The following PLAGL1 variants were observed in gnomAD, a reference collection of about 807,000 sequenced individuals.
PLAGL1 encodes PLAG1 like zinc finger 1.
A neutral mutation model predicts 4.6 loss-of-function variants in PLAGL1; 1 was observed. That is an observed-to-expected ratio of 0.22 (90% CI 0.08 to 1.03). PLAGL1 has a LOEUF of 1.03. Among genes scored for constraint, PLAGL1 ranks in the 50% least tolerant of loss-of-function variants. The pLI, the probability that PLAGL1 is intolerant of heterozygous loss-of-function variation, is 0.58. For missense variants in PLAGL1, 464 were observed against 570.4 expected, an observed-to-expected ratio of 0.81 and a Z score of 1.90; for synonymous variants, 240 against 237.8, an observed-to-expected ratio of 1.01 and a Z score of -0.08.
Position 144,016,896 on chromosome 6 carries a change from T to C in PLAGL1, c.-151+47572A>G. On this transcript the variant is annotated intron_variant, in intron 1 of 3. Transcript: ENST00000437412. This position sits in a 1 kb window ranked among gnomAD's most constrained non-coding sequence, Gnocchi z 4.2. Reference sequence around the variant, plus strand: ...CTGCTGTTTTTTTTGTTGTGAGCTTTTTCATTAGCACTCTCTTGTGCATTA... The same window carrying C: ...CTGCTGTTTTTTTTGTTGTGAGCTTCTTCATTAGCACTCTCTTGTGCATTA... Among the ~76,000 whole-genome samples, 1 of 152,192 alleles carries C rather than the reference T, an allele frequency of 6.6e-6. No individual in the cohort carries two copies. The highest frequency in any genetic ancestry group is 6.5e-5 in the Admixed American group (1 of 15,278).
At chr6:143,987,437 CTTTTTT>C (rs71024883) in intron 1 of PLAGL1, among the ~76,000 whole-genome samples, 85 of 73,958 alleles carry the variant, frequency 1.1e-3, no homozygotes, top group African/African-American at 4.3e-3. Flanking sequence ...ACCACACTGG[CTTTTTT>C]TTTTTTTTTT....
At position 144,056,839 on chromosome 6, in the gene PLAGL1, T is replaced by C. The variant is rs573382623; in HGVS notation, c.-151+7629A>G. 6.6e-6 allele frequency among the ~76,000 whole-genome samples: 1 copy of C among 152,094 alleles called. No homozygotes were observed. The highest frequency in any genetic ancestry group is 1.9e-4 in the East Asian group (1 of 5,204). ...GCCACCATGCTAAGCTAATTTTTTT[T>C]AATTTTATTTATGCTGCCCAGGTGT... On this transcript the variant is annotated intron_variant, in intron 1 of 3. Coordinates refer to the PLAGL1 transcript ENST00000437412. This position sits in a 1 kb window ranked among gnomAD's most constrained non-coding sequence, Gnocchi z 4.7.
At position 143,976,869 on chromosome 6, in the gene PLAGL1, C is replaced by A. The variant is rs1272675420; in HGVS notation, c.-543-7891G>T. Among the ~76,000 whole-genome samples the A allele has an allele frequency of 3.3e-5, 5 of 152,198 alleles. No homozygotes were observed. The East Asian group carries it at 9.6e-4, about 29-fold the overall frequency. ...GATGAGTTATTAATTTGAGACCATT[C>A]TTCTCTTCTAACATAGACATGTAGT... On this transcript the variant is annotated intron_variant, in intron 2 of 7. Coordinates refer to ENST00000674357, the MANE Select transcript of PLAGL1 (RefSeq NM_001317162.2).
rs147831946 is a variant in PLAGL1 at position 144,034,457 on chromosome 6, A to G, written c.-151+30011T>C. Among the ~76,000 whole-genome samples, 7 of 152,310 alleles carry G rather than the reference A, an allele frequency of 4.6e-5. No individual in the cohort carries two copies. The highest frequency in any genetic ancestry group is 2.9e-5 in the Non-Finnish European group (2 of 68,020). On this transcript the variant is annotated intron_variant, in intron 1 of 3. Coordinates refer to the PLAGL1 transcript ENST00000437412. This position sits in a 1 kb window ranked among gnomAD's most constrained non-coding sequence, Gnocchi z 4.7. ...AACTAAGTAAGCCTCAAGTCCTTTTAGTGTTTGTTTCTCTTCAAGAAAATA... is the reference window on the plus strand; with the variant it reads ...AACTAAGTAAGCCTCAAGTCCTTTTGGTGTTTGTTTCTCTTCAAGAAAATA...
Position 143,940,439 on chromosome 6 carries a change from T to G in PLAGL1, c.*985A>C, listed in dbSNP as rs1341487825. The G allele has an allele frequency of 6.6e-6, 1 of 152,200 alleles. No individual in the cohort carries two copies. Among genetic ancestry groups the G allele is most frequent in the Non-Finnish European group, 1.5e-5 (1 of 68,030 alleles). 9.4% of individuals were successfully genotyped at this position (152,200 alleles called of 1,614,324 possible). A position where few individuals can be genotyped will look rare whatever the true frequency, so the allele number is the denominator to read the frequency against. On this transcript the variant is annotated 3_prime_UTR_variant, in exon 8 of 8. Coordinates refer to ENST00000674357, the MANE Select transcript of PLAGL1 (RefSeq NM_001317162.2). ...TAATAAGATACCAAATTCAAGAGATTATAGTTACATTGTAAAACGTAATCT... is the reference window on the plus strand; with the variant it reads ...TAATAAGATACCAAATTCAAGAGATGATAGTTACATTGTAAAACGTAATCT...
At position 143,958,866 on chromosome 6, in the gene PLAGL1, A is replaced by G. The variant is rs1404627073; in HGVS notation, c.-325+1603T>C. The stretch of plus-strand genomic sequence containing the variant: ...AGGAAATGGGGGAGAAAGCTTAAAA[A>G]GAGTGGAACACTAGCAAGCAGGGCC... On this transcript the variant is annotated intron_variant, in intron 6 of 7. Transcript: ENST00000674357. The surrounding 1 kb of genome is among the most constrained non-coding windows in gnomAD (Gnocchi z 5.1). 2.0e-5 allele frequency among the ~76,000 whole-genome samples: 3 copies of G among 152,250 alleles called. No individual in the cohort carries two copies. The highest frequency in any genetic ancestry group is 4.4e-5 in the Non-Finnish European group (3 of 68,042).
In PLAGL1 at chr6:143,950,070, C is replaced by T. The variant is rs1039045286; in HGVS notation, c.-324-1610G>A. Among the ~76,000 whole-genome samples, 1 of 152,120 alleles carries T rather than the reference C, an allele frequency of 6.6e-6. No individual in the cohort carries two copies. The highest frequency in any genetic ancestry group is 2.4e-5 in the African/African-American group (1 of 41,432). ...ATGTTTTCAGTGTCTGGACAGAGTT[C>T]GCGGTACCAAGCAAATACCCCTCAC... On this transcript the variant is annotated intron_variant, in intron 6 of 7. Transcript: ENST00000674357. The surrounding 1 kb of genome is among the most constrained non-coding windows in gnomAD (Gnocchi z 6.3).
rs994341223 is a variant in PLAGL1 at position 144,000,732 on chromosome 6, G to A, written c.-584+7358C>T. 1.3e-5 allele frequency among the ~76,000 whole-genome samples: 2 copies of A among 152,098 alleles called. No individual in the cohort carries two copies. Among genetic ancestry groups the A allele is most frequent in the African/African-American group, 4.8e-5 (2 of 41,446 alleles). ...AAACAAAAGAAGGCTTCTGCTCTAT[G>A]ACATATCAAAATCATTAGAGTTATC... On this transcript the variant is annotated intron_variant, in intron 1 of 7. Transcript: ENST00000674357. The surrounding 1 kb of genome is among the most constrained non-coding windows in gnomAD (Gnocchi z 4.1).
In PLAGL1 at chr6:143,958,919, T is replaced by G. The variant is rs1289107156; in HGVS notation, c.-325+1550A>C. On this transcript the variant is annotated intron_variant, in intron 6 of 7. Transcript: ENST00000674357. The surrounding 1 kb of genome is among the most constrained non-coding windows in gnomAD (Gnocchi z 5.1). ...TTCTCCTTTTCACCTTAAGTCTTTTTTCTCTCCCATTCACAGCTTTAGGTC... is the reference window on the plus strand; with the variant it reads ...TTCTCCTTTTCACCTTAAGTCTTTTGTCTCTCCCATTCACAGCTTTAGGTC... 1.3e-5 allele frequency among the ~76,000 whole-genome samples: 2 copies of G among 152,198 alleles called. No homozygotes were observed. The highest frequency in any genetic ancestry group is 2.9e-5 in the Non-Finnish European group (2 of 68,028).
intron 1 of PLAGL1, among the ~76,000 whole-genome samples, chr6:143,996,153 G>T (rs559117854): frequency 6.6e-6 from 1 of 152,284 alleles, no homozygotes; most frequent in African/African-American, 2.4e-5. Flanking sequence ...GAAACATGGG[G>T]TGATTTGAGA....
rs777804198 is a variant in PLAGL1 at position 143,942,384 on chromosome 6, T to C, written c.432A>G (p.Glu144=). ...CCTTGGTTCCGCTAGGGGGCTTCTC[T>C]TCCGCATGGGCTTTGAGGTGGTCCA... The part of the protein sequence containing the change: ...VLLDHLKAHA[E]EKPPSGTKEK... Residue 144 remains glutamate (E), a synonymous_variant, in exon 8 of 8, where the codon GAA becomes GAG. Transcript: ENST00000674357. This position sits in a 1 kb window ranked among gnomAD's most constrained non-coding sequence, Gnocchi z 7.6. 19 of 1,614,050 alleles carry C rather than the reference T, an allele frequency of 1.2e-5. No individual in the cohort carries two copies. Among genetic ancestry groups the C allele is most frequent in the Non-Finnish European group, 1.4e-5 (16 of 1,180,032 alleles).
upstream of PLAGL1, among the ~76,000 whole-genome samples, chr6:144,009,424 T>C (rs1794964645): frequency 6.6e-6 from 1 of 152,210 alleles, no homozygotes; most frequent in Admixed American, 6.5e-5. Context: ...GATCTGGTGT[T>C]TTTCTCTATA....
rs1798895226 is a variant in PLAGL1, at chr6:144,055,447, C to T, written c.-151+9021G>A. 6.6e-6 allele frequency among the ~76,000 whole-genome samples: 1 copy of T among 152,154 alleles called. No homozygotes were observed. Among genetic ancestry groups the T allele is most frequent in the Non-Finnish European group, 1.5e-5 (1 of 68,028 alleles). On this transcript the variant is annotated intron_variant, in intron 1 of 3. Coordinates refer to the PLAGL1 transcript ENST00000437412. This position sits in a 1 kb window ranked among gnomAD's most constrained non-coding sequence, Gnocchi z 5.0. ...GAGGCTTATGGTTTAAATGGAGGTTCTTATCTGTGTTAAATTGCTTTTGTC... is the reference window on the plus strand; with the variant it reads ...GAGGCTTATGGTTTAAATGGAGGTTTTTATCTGTGTTAAATTGCTTTTGTC...
At chr6:144,035,022 G>A (rs1255828315) in intron 1 of PLAGL1, among the ~76,000 whole-genome samples, 1 of 152,130 alleles carries the variant, frequency 6.6e-6, no homozygotes, top group Non-Finnish European at 1.5e-5. Context: ...GAATCTAGTG[G>A]TGGGTATAAG....
rs1327207478 is a variant in PLAGL1 at position 143,997,365 on chromosome 6, A to G, written c.-584+10725T>C. Among the ~76,000 whole-genome samples, 1 of 152,194 alleles carries G rather than the reference A, an allele frequency of 6.6e-6. No homozygotes were observed. The highest frequency in any genetic ancestry group is 1.5e-5 in the Non-Finnish European group (1 of 68,040). ...ACAGCAGGTCTATTTGTAAGAACCC[A>G]AACTAGAACACACCCACATAGCTAT... On this transcript the variant is annotated intron_variant, in intron 1 of 7. Coordinates refer to ENST00000674357, the MANE Select transcript of PLAGL1 (RefSeq NM_001317162.2). The surrounding 1 kb of genome is among the most constrained non-coding windows in gnomAD (Gnocchi z 4.6).
rs67928472 is a variant in PLAGL1, at chr6:144,027,234, C to CGAAAGAAAGAAAGAAA, written c.-151+37218_-151+37233dup. 2.0e-3 allele frequency among the ~76,000 whole-genome samples: 218 copies of CGAAAGAAAGAAAGAAA among 111,572 alleles called. 1 individual carries two copies. Among genetic ancestry groups the CGAAAGAAAGAAAGAAA allele is most frequent in the Middle Eastern group, 4.3e-3 (1 of 234 alleles). The allele number at this position is 111,572 out of a possible 152,430, so 73.2% of individuals were successfully genotyped here. On this transcript the variant is annotated intron_variant, in intron 1 of 3. Transcript: ENST00000437412. This position sits in a 1 kb window ranked among gnomAD's most constrained non-coding sequence, Gnocchi z 5.8. ...GAAAGACCCCAACTCAAAGAACGAA[C>CGAAAGAAAGAAAGAAA]GAAAGAAAGAAAGAAAGAAAGAAAG...
chr6:143,967,584 A>C (rs1784641819), intron 3 of PLAGL1: 1 of 152,236 alleles, frequency 6.6e-6, no homozygotes, highest in Non-Finnish European at 1.5e-5. Context: ...TAATGGCAAT[A>C]TCATGTTTAA....
At chr6:144,057,564 G>GTACTC (rs1413837285) in intron 1 of PLAGL1, among the ~76,000 whole-genome samples, 1 of 152,136 alleles carries the variant, frequency 6.6e-6, no homozygotes, top group Admixed American at 6.5e-5. Flanking sequence ...ATTTCCCAAT[G>GTACTC]TACTCGAAAG....
Position 143,984,301 on chromosome 6 carries a change from G to A in PLAGL1, c.-544+834C>T, listed in dbSNP as rs1398875839. On this transcript the variant is annotated intron_variant, in intron 2 of 7. Transcript: ENST00000674357. The surrounding 1 kb of genome is among the most constrained non-coding windows in gnomAD (Gnocchi z 5.5). Reference sequence around the variant, plus strand: ...CTTTTCTGTGGAGCACCAGTTCAATGGTATATTTGGTGAGGTAGGGGTTGT... The same window carrying A: ...CTTTTCTGTGGAGCACCAGTTCAATAGTATATTTGGTGAGGTAGGGGTTGT... Among the ~76,000 whole-genome samples, 2 of 152,104 alleles carry A rather than the reference G, an allele frequency of 1.3e-5. No individual in the cohort carries two copies. Among genetic ancestry groups the A allele is most frequent in the East Asian group, 1.9e-4 (1 of 5,196 alleles).
Sources: allele counts gnomAD v4.1 joint callset (sites outside exome capture counted in the v4.1 genomes callset), GRCh38; gene constraint gnomAD v4.1.1; non-coding constraint Gnocchi (gnomAD v3.1); transcripts MANE v1.5; gene names NCBI Gene and HGNC (gene_info 2026-07-23, HGNC 2026-07-21).